The following SRPRA variants were observed in gnomAD, a reference collection of about 807,000 sequenced individuals.
The protein encoded by SRPRA is signal recognition particle receptor subunit alpha.
SRPRA carries 30 observed loss-of-function variants against 61.1 expected under a neutral mutation model. That is an observed-to-expected ratio of 0.49 (90% CI 0.37 to 0.67). SRPRA has a LOEUF of 0.67. Ranked by LOEUF, SRPRA falls within the 30% of genes least tolerant of loss-of-function variation. The pLI is 0.00. For missense variants in SRPRA, 759 were observed against 828.4 expected (o/e 0.92, Z 1.03); for synonymous variants, 324 against 299.7 (o/e 1.08, Z -0.84).
the SRPRA span, among the ~76,000 whole-genome samples, chr11:126,257,444 C>G: frequency 6.6e-6 from 1 of 151,838 alleles, no homozygotes; most frequent in Non-Finnish European, 1.5e-5. Flanking sequence ...GGTGGAGATT[C>G]TACAGATATG....
the SRPRA span, among the ~76,000 whole-genome samples, chr11:126,253,496 A>G: frequency 6.6e-6 from 1 of 152,214 alleles, no homozygotes; most frequent in Admixed American, 6.5e-5. This position sits in a 1 kb window ranked among gnomAD's most constrained non-coding sequence, Gnocchi z 5.1. Flanking sequence ...GGTTCCTCAG[A>G]GGTGACTGAA....
At chr11:126,251,432 C>T in the SRPRA span, among the ~76,000 whole-genome samples, 4 of 152,176 alleles carry the variant, frequency 2.6e-5, no homozygotes, top group African/African-American at 9.7e-5. Flanking sequence ...ACAGTATTGC[C>T]CCTGCCAGAG....
the SRPRA span, among the ~76,000 whole-genome samples, chr11:126,246,732 T>C: frequency 6.6e-6 from 1 of 152,144 alleles, no homozygotes; most frequent in African/African-American, 2.4e-5. Context: ...TGAGCTACCA[T>C]GCCAATTTTT....
At chr11:126,246,187 A>G in the SRPRA span, among the ~76,000 whole-genome samples, 74 of 152,320 alleles carry the variant, frequency 4.9e-4, no homozygotes, top group Admixed American at 2.9e-3. Context: ...TAGGTGAGAT[A>G]GAAGTATTGC....
At chr11:126,254,800 T>A in the SRPRA span, among the ~76,000 whole-genome samples, 1 of 152,138 alleles carries the variant, frequency 6.6e-6, no homozygotes, top group Non-Finnish European at 1.5e-5. Flanking sequence ...GCACTCCAGC[T>A]TGGGTGACAG....
downstream of SRPRA, among the ~76,000 whole-genome samples, chr11:126,259,425 CTTTTTTTTTT>C (rs397945854): frequency 7.7e-6 from 1 of 129,436 alleles, no homozygotes; most frequent in African/African-American, 2.8e-5. Flanking sequence ...CGTTGTGGTA[CTTTTTTTTTT>C]TTTTTTTTTG....
chr11:126,267,015 T>G lies in SRPRA; in HGVS notation c.527-93A>C. 1.9e-6 allele frequency: 3 copies of G among 1,540,304 alleles called. 1 individual carries two copies. The South Asian group carries it at 3.8e-5, about 19-fold the overall frequency. On this transcript the variant is annotated intron_variant, in intron 4 of 13. Coordinates refer to ENST00000332118, the MANE Select transcript of SRPRA (RefSeq NM_003139.4). The surrounding 1 kb of genome is among the most constrained non-coding windows in gnomAD (Gnocchi z 4.2). ...TCTTCCAAATTGTTCAAAGGAAATTTGGACCAAACATCTTGGAGTTCATAA... is the reference window on the plus strand; with the variant it reads ...TCTTCCAAATTGTTCAAAGGAAATTGGGACCAAACATCTTGGAGTTCATAA...
Position 126,267,583 on chromosome 11 carries a change from A to T in SRPRA, c.331T>A (p.Phe111Ile). Residue 111 changes from phenylalanine (F) to isoleucine (I), a missense_variant, in exon 3 of 14, where the codon TTT becomes ATT. This residue lies in a region of SRPRA where 475 missense variants were observed against 462.5 expected (regional missense o/e 1.03). Coordinates refer to ENST00000332118, the MANE Select transcript of SRPRA (RefSeq NM_003139.4). The surrounding 1 kb of genome is among the most constrained non-coding windows in gnomAD (Gnocchi z 4.2). ...CGCAGGAAGTCATTTTGGAAATCAA[A>T]AGTGCCATTTAATAAACTTAAAGCA... ...QSALSLLNGT[F>I]DFQNDFLRLL... 1.2e-6 allele frequency: 2 copies of T among 1,614,100 alleles called. No individual in the cohort carries two copies. The highest frequency in any genetic ancestry group is 1.7e-6 in the Non-Finnish European group (2 of 1,180,042).
Position 126,264,160 on chromosome 11 carries a change from C to T in SRPRA, c.1788+31G>A, listed in dbSNP as rs370660951. ...GCAGCCTCAGCTCCTTTGTGCAGGA[C>T]GCCCATTCCAGCCTCCAGTCTCACG... On this transcript the variant is annotated intron_variant, in intron 13 of 13. Transcript: ENST00000332118. This position sits in a 1 kb window ranked among gnomAD's most constrained non-coding sequence, Gnocchi z 5.0. 1.4e-5 allele frequency: 23 copies of T among 1,612,000 alleles called. No individual in the cohort carries two copies. The African/African-American group carries it at 1.6e-4, about 11-fold the overall frequency.
the SRPRA span, chr11:126,245,004 A>G: frequency 6.6e-6 from 1 of 152,318 alleles, no homozygotes; most frequent in East Asian, 1.9e-4. Context: ...ATTTTGTAGA[A>G]ATTGACAAAC....
At position 126,265,032 on chromosome 11, in the gene SRPRA, G is replaced by A. The variant is rs773064286; in HGVS notation, c.1452C>T (p.Arg484=). 3.0e-5 allele frequency: 49 copies of A among 1,614,074 alleles called. No homozygotes were observed. The highest frequency in any genetic ancestry group is 1.5e-5 in the Non-Finnish European group (18 of 1,180,048). The part of the protein sequence containing the change: ...ALHPPEKHGG[R]TMVQLFEKGY... ...CCTTTTCAAACAACTGCACCATGGT[G>A]CGGCCACCATGCTTCTCTGGAGGGT... The change falls in exon 11 of 14, where the codon CGC becomes CGT. Residue 484 remains arginine (R), a synonymous_variant. Transcript: ENST00000332118. This position sits in a 1 kb window ranked among gnomAD's most constrained non-coding sequence, Gnocchi z 6.3.
At position 126,263,684 on chromosome 11, in the gene SRPRA, G is replaced by C; in HGVS notation, c.*232C>G. 9.2e-6 allele frequency: 5 copies of C among 543,306 alleles called. No homozygotes were observed. The South Asian group carries it at 1.2e-4, about 13-fold the overall frequency. 33.7% of individuals were successfully genotyped at this position (543,306 alleles called of 1,614,324 possible). On this transcript the variant is annotated 3_prime_UTR_variant, in exon 14 of 14. Transcript: ENST00000332118. ...TGAAGGGGGTGCCTGAGTAGGAAGG[G>C]GGAGGCCCGCTGGGAGAGGGTCAGT...
Position 126,267,773 on chromosome 11 carries a change from G to T in SRPRA, c.202-61C>A. The stretch of plus-strand genomic sequence containing the variant: ...ACATACTAGCCTAGAATGGAGGGAC[G>T]CCAACTCAACCCTGGCTTTCAGAGA... On this transcript the variant is annotated intron_variant, in intron 2 of 13. Transcript: ENST00000332118. This position sits in a 1 kb window ranked among gnomAD's most constrained non-coding sequence, Gnocchi z 4.2. 1 of 1,595,050 alleles carries T rather than the reference G, an allele frequency of 6.3e-7. No individual in the cohort carries two copies. The highest frequency in any genetic ancestry group is 8.6e-7 in the Non-Finnish European group (1 of 1,166,798).
Position 126,264,570 on chromosome 11 carries a change from C to G in SRPRA, c.1526-31G>C, listed in dbSNP as rs895169269. The G allele has an allele frequency of 1.2e-6, 2 of 1,608,862 alleles. No homozygotes were observed. Among genetic ancestry groups the G allele is most frequent in the Non-Finnish European group, 1.7e-6 (2 of 1,178,346 alleles). On this transcript the variant is annotated intron_variant, in intron 11 of 13. Coordinates refer to ENST00000332118, the MANE Select transcript of SRPRA (RefSeq NM_003139.4). This position sits in a 1 kb window ranked among gnomAD's most constrained non-coding sequence, Gnocchi z 5.0. ...GAAAGAAAGTAGTCAACTCTGAACA[C>G]CTGGACTACCACTCATGCTCGTTCC...
chr11:126,262,516 T>G (rs569424554), downstream of SRPRA: 5 of 249,182 alleles, frequency 2.0e-5, no homozygotes, highest in Admixed American at 1.1e-4. Flanking sequence ...TGCAGTTTTG[T>G]ACTCTATACT....
rs1430449079 is a variant in SRPRA at position 126,263,984 on chromosome 11, C to T, written c.1849G>A (p.Gly617Ser). The change falls in exon 14 of 14, where the codon GGC becomes AGC. Residue 617 changes from glycine to serine, a missense_variant. Around this residue, in one of 2 missense-constraint regions of SRPRA, gnomAD observed 284 missense variants for 365.9 expected, o/e 0.78. Transcript: ENST00000332118. ...CTGCGTAGGTCACAGTAGGTCTGGC[C>T]GGTGCCCACAAAGACGATGGGTTTG... ...TSKPIVFVGTGQTYCDLRSLN... is the reference protein window; with the variant it reads ...TSKPIVFVGTSQTYCDLRSLN... The T allele has an allele frequency of 3.7e-6, 6 of 1,614,174 alleles. No individual in the cohort carries two copies. Among genetic ancestry groups the T allele is most frequent in the Non-Finnish European group, 5.1e-6 (6 of 1,180,042 alleles).
chr11:126,246,359 A>G, the SRPRA span, among the ~76,000 whole-genome samples: 4 of 152,204 alleles, frequency 2.6e-5, no homozygotes, highest in African/African-American at 9.6e-5. Context: ...GGGAAGTGAC[A>G]TTACAGATTC....
At position 126,263,961 on chromosome 11, in the gene SRPRA, G is replaced by T. The variant is rs1950754380; in HGVS notation, c.1872C>A (p.Arg624=). 1.9e-6 allele frequency: 3 copies of T among 1,614,094 alleles called. No homozygotes were observed. The highest frequency in any genetic ancestry group is 2.5e-6 in the Non-Finnish European group (3 of 1,180,036). The change falls in exon 14 of 14, where the codon CGC becomes CGA. Residue 624 remains arginine (R), a synonymous_variant. Coordinates refer to ENST00000332118, the MANE Select transcript of SRPRA (RefSeq NM_003139.4). ...VGTGQTYCDL[R]SLNAKAVVAA... ...CCACCACAGCCTTGGCATTGAGGCT[G>T]CGTAGGTCACAGTAGGTCTGGCCGG...
chr11:126,246,254 C>A, the SRPRA span, among the ~76,000 whole-genome samples: 1 of 151,890 alleles, frequency 6.6e-6, no homozygotes, highest in African/African-American at 2.4e-5. Flanking sequence ...TTGGAAATGT[C>A]CATATTAGAA....
Sources: gnomAD v4.1 joint callset for allele counts (sites outside exome capture counted in the v4.1 genomes callset) on GRCh38, gnomAD v4.1.1 for gene constraint, gnomAD v4.1.1 regional missense constraint, Gnocchi (gnomAD v3.1) non-coding constraint, MANE v1.5 for transcripts, NCBI Gene and HGNC (gene_info 2026-07-23, HGNC 2026-07-21) for gene names.